TACC1: variants seen among roughly 807,000 people sequenced by gnomAD.
The protein encoded by TACC1 is transforming acidic coiled-coil-containing protein 1.
In TACC1, 48 loss-of-function variants were observed where a neutral mutation model predicts 84.4. That is an observed-to-expected ratio of 0.57 (90% CI 0.45 to 0.72). The LOEUF is 0.72. Among genes scored for constraint, TACC1 ranks in the 30% least tolerant of loss-of-function variants. The pLI, the probability that TACC1 is intolerant of heterozygous loss-of-function variation, is 0.00. For missense variants in TACC1, 920 were observed against 973.0 expected (o/e 0.95, Z 0.72); for synonymous variants, 372 against 376.3 (o/e 0.99, Z 0.13).
intron 1 of TACC1, among the ~76,000 whole-genome samples, chr8:38,730,531 C>T (rs558824640): frequency 6.6e-6 from 1 of 152,318 alleles, no homozygotes; most frequent in Admixed American, 6.5e-5. Flanking sequence ...GAATACTCAG[C>T]CCTATAAGGT....
intron 1 of TACC1, among the ~76,000 whole-genome samples, chr8:38,741,056 A>G (rs777819552): frequency 2.0e-5 from 3 of 151,626 alleles, no homozygotes; most frequent in Non-Finnish European, 2.9e-5. Context: ...GTCTTTAGAG[A>G]TTTCCTTTGA....
intron 1 of TACC1, among the ~76,000 whole-genome samples, chr8:38,730,766 T>G (rs547182008): frequency 6.4e-4 from 97 of 152,346 alleles, no homozygotes; most frequent in Non-Finnish European, 1.2e-3. Context: ...AGAATGCCCC[T>G]GAGAATAGGC....
Position 38,837,224 on chromosome 8 carries a change from G to C in TACC1, c.1839+937G>C, listed in dbSNP as rs180979599. ...GAGTTCAGGAATTCGAGACCAGACT[G>C]ACCAACGTGGAGAAACCCCATCTCT... On this transcript the variant is annotated intron_variant, in intron 7 of 12. Coordinates refer to ENST00000317827, the MANE Select transcript of TACC1 (RefSeq NM_006283.3). Among the ~76,000 whole-genome samples, 166 of 147,886 alleles carry C rather than the reference G, an allele frequency of 1.1e-3. 1 individual carries two copies. Among genetic ancestry groups the C allele is most frequent in the Non-Finnish European group, 7.1e-4 (48 of 67,346 alleles).
At chr8:38,824,929 T>C (rs1482233857) in intron 3 of TACC1, among the ~76,000 whole-genome samples, 1 of 152,232 alleles carries the variant, frequency 6.6e-6, no homozygotes, top group Non-Finnish European at 1.5e-5. Flanking sequence ...TTCTAATGAA[T>C]GTCAAAGCCA....
chr8:38,787,993 C>T (rs1817690256), intron 1 of TACC1: 2 of 501,022 alleles, frequency 4.0e-6, no homozygotes, highest in South Asian at 2.9e-5. Flanking sequence ...CTCCGCATCC[C>T]CGCTGGCCTC....
chr8:38,796,616 A>G (rs1200325872), intron 2 of TACC1, among the ~76,000 whole-genome samples: 1 of 152,270 alleles, frequency 6.6e-6, no homozygotes, highest in Non-Finnish European at 1.5e-5. Flanking sequence ...AAAAATCATC[A>G]CTGGATAAGT....
intron 1 of TACC1, among the ~76,000 whole-genome samples, chr8:38,732,652 G>A (rs1048701720): frequency 6.6e-6 from 1 of 152,234 alleles, no homozygotes; most frequent in Non-Finnish European, 1.5e-5. Context: ...CTTCCCCTGC[G>A]TCACCTCATT....
intron 3 of TACC1, among the ~76,000 whole-genome samples, chr8:38,767,685 A>C (rs1387194530): frequency 6.6e-6 from 1 of 152,180 alleles, no homozygotes; most frequent in African/African-American, 2.4e-5. Flanking sequence ...GGGGAGCAAG[A>C]GTTTCTTCAA....
chr8:38,758,177 T>C (rs2151793243), intron 3 of TACC1, among the ~76,000 whole-genome samples: 1 of 152,316 alleles, frequency 6.6e-6, no homozygotes, highest in East Asian at 1.9e-4. Context: ...AGGGAATCCA[T>C]ACTCTTTATT....
intron 3 of TACC1, among the ~76,000 whole-genome samples, chr8:38,823,693 T>C (rs551216573): frequency 1.2e-4 from 19 of 152,356 alleles, no homozygotes; most frequent in African/African-American, 4.3e-4. Context: ...GTCGTCTTGT[T>C]CTTTTTAGAA....
At chr8:38,797,763 A>G (rs1820324987) in intron 2 of TACC1, among the ~76,000 whole-genome samples, 1 of 152,230 alleles carries the variant, frequency 6.6e-6, no homozygotes, top group Non-Finnish European at 1.5e-5. Context: ...TTGAAGTTAC[A>G]CAATCCCAGA....
intron 3 of TACC1, among the ~76,000 whole-genome samples, chr8:38,763,975 A>G (rs7817501): frequency 0.028 from 4,340 of 152,282 alleles, 182 homozygotes; most frequent in African/African-American, 0.092. Context: ...CAAGATTCTA[A>G]AAGTTGCTAC....
chr8:38,770,446 C>A (rs962485824), intron 3 of TACC1, among the ~76,000 whole-genome samples: 2 of 152,072 alleles, frequency 1.3e-5, no homozygotes, highest in Non-Finnish European at 2.9e-5. Flanking sequence ...ATTCGGAAAC[C>A]CTCTTGGGAG....
chr8:38,846,177 G>T (rs1832207671), intron 11 of TACC1: 1 of 150,464 alleles, frequency 6.6e-6, no homozygotes, highest in African/African-American at 2.4e-5. Flanking sequence ...CAGCTACTCG[G>T]AGAGGCTGAG....
chr8:38,784,261 T>G (rs1444134269), upstream of TACC1, among the ~76,000 whole-genome samples: 1 of 152,102 alleles, frequency 6.6e-6, no homozygotes, highest in Non-Finnish European at 1.5e-5. Context: ...AGGCATTTAT[T>G]TGCTAGTCCA....
chr8:38,775,010 C>CAAAA (rs913147283), intron 3 of TACC1, among the ~76,000 whole-genome samples: 20,210 of 83,230 alleles, frequency 0.24, 2,082 homozygotes, highest in Non-Finnish European at 0.34. Context: ...GACTCCGTCT[C>CAAAA]AAAAAAAAAA....
intron 1 of TACC1, among the ~76,000 whole-genome samples, chr8:38,732,773 C>T (rs564467322): frequency 2.0e-5 from 3 of 152,296 alleles, no homozygotes; most frequent in Non-Finnish European, 4.4e-5. Flanking sequence ...GCAGACAGCT[C>T]GTAAGCATTG....
At position 38,820,301 on chromosome 8, in the gene TACC1, A is replaced by T. The variant is rs749845214; in HGVS notation, c.1057A>T (p.Ile353Leu). The change falls in exon 3 of 13, where the codon ATA becomes TTA. Residue 353 changes from isoleucine to leucine, a missense_variant. Physicochemically the swap from Ile to Leu is conservative, Grantham distance 5 (BLOSUM62 2). This residue lies in a region of TACC1 where 762 missense variants were observed against 747.3 expected (regional missense o/e 1.02). Coordinates refer to ENST00000317827, the MANE Select transcript of TACC1 (RefSeq NM_006283.3). Reference sequence around the variant, plus strand: ...ACTGGGTAGCACACTGACTCCCAAGATACAAAAAGATGGCATCAGTAAGTC... The same window carrying T: ...ACTGGGTAGCACACTGACTCCCAAGTTACAAAAAGATGGCATCAGTAAGTC... ...RKLGSTLTPK[I>L]QKDGISKSAG... 1 of 1,614,198 alleles carries T rather than the reference A, an allele frequency of 6.2e-7. No homozygotes were observed. The highest frequency in any genetic ancestry group is 1.1e-5 in the South Asian group (1 of 91,074).
In TACC1 at chr8:38,820,369, G is replaced by C. The variant is rs1826473035; in HGVS notation, c.1125G>C (p.Gly375=). The change falls in exon 3 of 13, where the codon GGG becomes GGC. Residue 375 remains glycine, a synonymous_variant. Transcript: ENST00000317827. The part of the protein sequence containing the change: ...EQPTDPVARD[G]PLSQTSSKPD... The stretch of plus-strand genomic sequence containing the variant: ...CTACAGACCCAGTGGCACGAGACGG[G>C]CCTCTCTCCCAAACATCTTCCAAGC... 1 of 1,614,048 alleles carries C rather than the reference G, an allele frequency of 6.2e-7. No individual in the cohort carries two copies. Among genetic ancestry groups the C allele is most frequent in the African/African-American group, 1.3e-5 (1 of 74,920 alleles).
Sources: gnomAD v4.1 joint callset for allele counts (sites outside exome capture counted in the v4.1 genomes callset) on GRCh38, gnomAD v4.1.1 for gene constraint, gnomAD v4.1.1 regional missense constraint, MANE v1.5 for transcripts, NCBI Gene and HGNC (gene_info 2026-07-23, HGNC 2026-07-21) for gene names.